Variants in PATE3 observed in about 807,000 individuals in gnomAD.
PATE3 encodes the protein prostate and testis expressed 3.
A neutral mutation model predicts 7.4 loss-of-function variants in PATE3; 7 were observed. The ratio of observed to expected loss-of-function variants is 0.95; its 90% confidence interval spans 0.54 to 1.78. PATE3 has a LOEUF of 1.78. Among genes scored for constraint, PATE3 ranks in the 40% most tolerant of loss-of-function variants. PATE3 has a pLI of 0.00. For synonymous variants in PATE3, 38 were observed against 40.2 expected (o/e 0.94, Z 0.21); for missense variants, 117 against 122.5 (o/e 0.96, Z 0.21).
At chr11:125,789,548 G>A (rs1371851034) in intron 2 of PATE3, 40 bp downstream of exon 2, 1 of 1,532,644 alleles carries the variant, frequency 6.5e-7, no homozygotes, top group Non-Finnish European at 8.8e-7. Flanking sequence ...AAGATTCTTA[G>A]AATTCTTAGG....
At chr11:125,788,636 G>C (rs1346184808) in intron 1 of PATE3, among the ~76,000 whole-genome samples, 1 of 152,178 alleles carries the variant, frequency 6.6e-6, no homozygotes, top group Non-Finnish European at 1.5e-5. Context: ...GTAATTCTAT[G>C]AGAGGAAGTA....
rs761922371 is a variant in PATE3, at chr11:125,789,366, C to G, written c.50-20C>G. 3.2e-6 allele frequency: 5 copies of G among 1,546,668 alleles called. No individual in the cohort carries two copies. In the African/African-American group the frequency reaches 6.9e-5, roughly 21 times the overall value. ...TCCCTGCTTTTGCCTAGTCTCACACCATCTCTATGCTCTCTCCAGCAGTGA... is the reference window on the plus strand; with the variant it reads ...TCCCTGCTTTTGCCTAGTCTCACACGATCTCTATGCTCTCTCCAGCAGTGA... On this transcript the variant is annotated intron_variant, in intron 1 of 2. Coordinates refer to ENST00000445202, the MANE Select transcript of PATE3 (RefSeq NM_001129883.4).
intron 1 of PATE3, 144 bp from the exon 2 acceptor site, chr11:125,789,242 T>C (rs1591467443): frequency 1.3e-6 from 1 of 749,644 alleles, no homozygotes; most frequent in Non-Finnish European, 2.1e-6. Flanking sequence ...GCTCCAACTG[T>C]TTACCGCCTA....
chr11:125,788,267 T>C lies in PATE3; in HGVS notation c.49+67T>C. 3 of 1,428,226 alleles carry C rather than the reference T, an allele frequency of 2.1e-6. No individual in the cohort carries two copies. In the South Asian group the frequency reaches 3.7e-5, roughly 18 times the overall value. The allele number at this position is 1,428,226 out of a possible 1,614,324, so 88.5% of individuals were successfully genotyped here. ...TAGGGAGCTCCAGGGAAACTACATG[T>C]GTAGCATGCATCCATGCAGGGCTGA... On this transcript the variant is annotated intron_variant, in intron 1 of 2. Transcript: ENST00000445202.
intron 2 of PATE3, among the ~76,000 whole-genome samples, chr11:125,789,976 G>A (rs1943595570): frequency 6.6e-6 from 1 of 152,142 alleles, no homozygotes; most frequent in Non-Finnish European, 1.5e-5. Context: ...ATGAAATTCT[G>A]TCCTTTGCAG....
At chr11:125,789,311 C>G (rs1943590375) in intron 1 of PATE3, 75 bp from the exon 2 acceptor site, 2 of 1,424,426 alleles carry the variant, frequency 1.4e-6, no homozygotes, top group African/African-American at 1.4e-5. Context: ...TTCCCCACCT[C>G]CATCTGAATA....
chr11:125,790,709 T>C lies in PATE3; in HGVS notation c.*107T>C. The C allele has an allele frequency of 1.7e-6, 2 of 1,164,934 alleles. No homozygotes were observed. Among genetic ancestry groups the C allele is most frequent in the Non-Finnish European group, 2.4e-6 (2 of 839,022 alleles). 72.2% of individuals were successfully genotyped at this position (1,164,934 alleles called of 1,614,324 possible). On this transcript the variant is annotated 3_prime_UTR_variant, in exon 3 of 3. Coordinates refer to ENST00000445202, the MANE Select transcript of PATE3 (RefSeq NM_001129883.4). ...TCCGTGTCTGTCCTGACAATACCCC[T>C]GCCCTCGCATTAACCTAAGAAGACT...
Position 125,790,653 on chromosome 11 carries a change from T to A in PATE3, c.*51T>A. 1 of 1,520,756 alleles carries A rather than the reference T, an allele frequency of 6.6e-7. No individual in the cohort carries two copies. The highest frequency in any genetic ancestry group is 2.0e-5 in the Admixed American group (1 of 50,018). The allele number at this position is 1,520,756 out of a possible 1,614,324, so 94.2% of individuals were successfully genotyped here. A position where few individuals can be genotyped will look rare whatever the true frequency, so the allele number is the denominator to read the frequency against. ...TTTGGAATGTCCCCAATGTTGCTCA[T>A]CCTTCACACTCTGCTGGCCCTTGCT... is the stretch of plus-strand genomic sequence containing the variant. On this transcript the variant is annotated 3_prime_UTR_variant, in exon 3 of 3. Transcript: ENST00000445202.
Position 125,788,205 on chromosome 11 carries a change from G to C in PATE3, c.49+5G>C. ...TCCTTTACTGCCTCATTGTGGGTGAGTCCTGGACCTGAGGGGTATACTTGA... is the reference window on the plus strand; with the variant it reads ...TCCTTTACTGCCTCATTGTGGGTGACTCCTGGACCTGAGGGGTATACTTGA... On this transcript the variant is annotated splice_donor_5th_base_variant and intron_variant, in intron 1 of 2. Coordinates refer to ENST00000445202, the MANE Select transcript of PATE3 (RefSeq NM_001129883.4). 6.4e-7 allele frequency: 1 copy of C among 1,550,538 alleles called. No individual in the cohort carries two copies. The highest frequency in any genetic ancestry group is 8.7e-7 in the Non-Finnish European group (1 of 1,146,060).
At chr11:125,788,272 C>A in intron 1 of PATE3, 72 bp downstream of exon 1, 1 of 1,388,160 alleles carries the variant, frequency 7.2e-7, no homozygotes, top group Non-Finnish European at 1.0e-6. Flanking sequence ...ACATGTGTAG[C>A]ATGCATCCAT....
chr11:125,788,418 C>T (rs1388231638), intron 1 of PATE3, among the ~76,000 whole-genome samples: 5 of 152,014 alleles, frequency 3.3e-5, no homozygotes, highest in Non-Finnish European at 1.5e-5. Flanking sequence ...CTCTGTCCTG[C>T]CCTTTTAACT....
chr11:125,789,743 G>A (rs1434420739), intron 2 of PATE3, among the ~76,000 whole-genome samples: 2 of 151,956 alleles, frequency 1.3e-5, no homozygotes, highest in Admixed American at 6.6e-5. Flanking sequence ...TTTGATAATC[G>A]ACACATAACA....
At position 125,790,635 on chromosome 11, in the gene PATE3, T is replaced by C. The variant is rs184211101; in HGVS notation, c.*33T>C. 3 of 1,541,146 alleles carry C rather than the reference T, an allele frequency of 1.9e-6. No homozygotes were observed. Among genetic ancestry groups the C allele is most frequent in the Admixed American group, 2.0e-5 (1 of 50,570 alleles). On this transcript the variant is annotated 3_prime_UTR_variant, in exon 3 of 3. Coordinates refer to ENST00000445202, the MANE Select transcript of PATE3 (RefSeq NM_001129883.4). ...GCCCTCCTGAGGTCTCGCTTTGGAA[T>C]GTCCCCAATGTTGCTCATCCTTCAC...
Position 125,790,552 on chromosome 11 carries a change from A to T in PATE3, c.247A>T (p.Thr83Ser), listed in dbSNP as rs763104119. 3.2e-6 allele frequency: 5 copies of T among 1,551,366 alleles called. No individual in the cohort carries two copies. In the South Asian group the frequency reaches 4.8e-5, roughly 15 times the overall value. The change falls in exon 3 of 3, where the codon ACT becomes TCT. Residue 83 changes from threonine to serine, a missense_variant. By Grantham distance (58) the Thr-to-Ser change is moderately conservative (BLOSUM62 1). Coordinates refer to ENST00000445202, the MANE Select transcript of PATE3 (RefSeq NM_001129883.4). The part of the protein sequence containing the change: ...RDMTFDLRNR[T>S]YVHTCCNYNY... ...CATGACATTTGATCTCAGGAATCGG[A>T]CTTATGTTCATACATGCTGCAACTA...
rs1943601766 is a variant in PATE3, at chr11:125,790,549, C to T, written c.244C>T (p.Arg82Trp). ...AGACATGACATTTGATCTCAGGAATCGGACTTATGTTCATACATGCTGCAA... is the reference window on the plus strand; with the variant it reads ...AGACATGACATTTGATCTCAGGAATTGGACTTATGTTCATACATGCTGCAA... ...CRDMTFDLRN[R>W]TYVHTCCNYN... Residue 82 changes from arginine (R) to tryptophan (W), a missense_variant, in exon 3 of 3, where the codon CGG becomes TGG. Coordinates refer to ENST00000445202, the MANE Select transcript of PATE3 (RefSeq NM_001129883.4). 19 of 1,550,966 alleles carry T rather than the reference C, an allele frequency of 1.2e-5. No individual in the cohort carries two copies. Among genetic ancestry groups the T allele is most frequent in the East Asian group, 2.4e-5 (1 of 40,922 alleles).
In PATE3 at chr11:125,789,464, C is replaced by A. The variant is rs1366225969; in HGVS notation, c.128C>A (p.Thr43Asn). 7 of 1,551,570 alleles carry A rather than the reference C, an allele frequency of 4.5e-6. No individual in the cohort carries two copies. Among genetic ancestry groups the A allele is most frequent in the East Asian group, 2.4e-5 (1 of 40,932 alleles). ...DRCRRGFGVC[T>N]AQKGEACMLL... is the part of the protein sequence containing the mutation. The stretch of plus-strand genomic sequence containing the variant: ...TGTAGAAGAGGCTTTGGTGTCTGTA[C>A]TGCTCAGAAGGGCGAGGCATGCATG... The change falls in exon 2 of 3, where the codon ACT (threonine) becomes AAT (asparagine). Residue 43 changes from threonine to asparagine, a missense_variant. Transcript: ENST00000445202.
At chr11:125,790,077 G>T (rs1365993710) in intron 2 of PATE3, among the ~76,000 whole-genome samples, 1 of 152,200 alleles carries the variant, frequency 6.6e-6, no homozygotes, top group Non-Finnish European at 1.5e-5. Flanking sequence ...ATGTATAGGA[G>T]CTAAAGAATA....
rs1943604286 is a variant in PATE3 at position 125,790,781 on chromosome 11, A to C, written c.*179A>C. ...GTGTCTTCAGCTTGGCTTCTCCCTC[A>C]GTCAGAGAATAGTGGTTCTGAACAA... On this transcript the variant is annotated 3_prime_UTR_variant, in exon 3 of 3. Coordinates refer to ENST00000445202, the MANE Select transcript of PATE3 (RefSeq NM_001129883.4). 1.8e-6 allele frequency: 1 copy of C among 565,418 alleles called. No individual in the cohort carries two copies. The allele number at this position is 565,418 out of a possible 1,614,324, so 35.0% of individuals were successfully genotyped here.
rs770724549 is a variant in PATE3 at position 125,789,424 on chromosome 11, A to G, written c.88A>G (p.Thr30Ala). 6.4e-7 allele frequency: 1 copy of G among 1,551,654 alleles called. No individual in the cohort carries two copies. The highest frequency in any genetic ancestry group is 8.7e-7 in the Non-Finnish European group (1 of 1,146,930). Residue 30 changes from threonine to alanine, a missense_variant, in exon 2 of 3, where the codon ACA becomes GCA. Transcript: ENST00000445202. Reference sequence around the variant, plus strand: ...TCAGTGCATAACATGCCACCTTCGCACACGGACAGACCGCTGTAGAAGAGG... The same window carrying G: ...TCAGTGCATAACATGCCACCTTCGCGCACGGACAGACCGCTGTAGAAGAGG... Reference protein sequence around the residue: ...SLQCITCHLRTRTDRCRRGFG... With the variant: ...SLQCITCHLRARTDRCRRGFG...
Sources: gnomAD v4.1 joint callset for allele counts (sites outside exome capture counted in the v4.1 genomes callset) on GRCh38, gnomAD v4.1.1 for gene constraint, MANE v1.5 for transcripts, NCBI Gene and HGNC (gene_info 2026-07-23, HGNC 2026-07-21) for gene names.